The following ADGB variants were observed in gnomAD, a reference collection of about 807,000 sequenced individuals.
ADGB encodes the protein calpain-7-like protein.
ADGB carries 172 observed loss-of-function variants against 210.5 expected under a neutral mutation model. That is an observed-to-expected ratio of 0.82 (90% CI 0.72 to 0.93). ADGB has a LOEUF of 0.93. ADGB is among the 40% of genes least tolerant of loss of function. The probability of loss-of-function intolerance (pLI) is 0.00; values close to 1 mark genes in which losing one functional copy is unlikely to be tolerated. For missense variants in ADGB, 2,025 were observed against 1,964.8 expected (o/e 1.03, Z -0.58); for synonymous variants, 658 against 662.7 (o/e 0.99, Z 0.11).
chr6:146,663,144 T>C (rs1255659312), intron 5 of ADGB, among the ~76,000 whole-genome samples: 1 of 141,156 alleles, frequency 7.1e-6, no homozygotes, highest in Non-Finnish European at 1.5e-5. Context: ...TATATATAAT[T>C]ATAAATATAT....
Position 146,801,210 on chromosome 6 carries a change from C to A in ADGB, c.4565C>A (p.Thr1522Lys), listed in dbSNP as rs1450408909. ...ACAGGACCTCGTACACGATCTCCAACAATTTTGGAAACATCTCCACGACTT... is the reference window on the plus strand; with the variant it reads ...ACAGGACCTCGTACACGATCTCCAAAAATTTTGGAAACATCTCCACGACTT... The part of the protein sequence containing the change: ...IQTGPRTRSP[T>K]ILETSPRLIR... Residue 1522 changes from threonine (T) to lysine (K), a missense_variant, in exon 34 of 36, where the codon ACA (threonine) becomes AAA (lysine). Coordinates refer to ENST00000397944, the MANE Select transcript of ADGB (RefSeq NM_024694.4). The A allele has an allele frequency of 6.7e-7, 1 of 1,503,464 alleles. No individual in the cohort carries two copies. The highest frequency in any genetic ancestry group is 1.3e-5 in the South Asian group (1 of 76,018). The allele number at this position is 1,503,464 out of a possible 1,614,324, so 93.1% of individuals were successfully genotyped here.
chr6:146,686,988 G>A (rs762163223), intron 10 of ADGB, among the ~76,000 whole-genome samples: 2 of 151,996 alleles, frequency 1.3e-5, no homozygotes, highest in Admixed American at 1.3e-4. Flanking sequence ...TGGGGGGCAC[G>A]TTGCTAACAT....
At chr6:146,769,939 T>C (rs1777627841) in intron 29 of ADGB, among the ~76,000 whole-genome samples, 1 of 152,196 alleles carries the variant, frequency 6.6e-6, no homozygotes, top group African/African-American at 2.4e-5. Context: ...ACAACACGCT[T>C]ATGATAAGAC....
chr6:146,610,177 C>G (rs1780686536), intron 1 of ADGB, among the ~76,000 whole-genome samples: 1 of 152,202 alleles, frequency 6.6e-6, no homozygotes, highest in Non-Finnish European at 1.5e-5. Context: ...GTGAATTTTT[C>G]AGCTCTATCA....
At chr6:146,657,106 C>A in intron 5 of ADGB, 126 bp downstream of exon 5, 1 of 841,304 alleles carries the variant, frequency 1.2e-6, no homozygotes, top group Non-Finnish European at 1.8e-6. Context: ...CAGTGGATCA[C>A]CTGAGATCAG....
chr6:146,602,391 A>G (rs1254648616), intron 1 of ADGB, among the ~76,000 whole-genome samples: 1 of 152,162 alleles, frequency 6.6e-6, no homozygotes, highest in African/African-American at 2.4e-5. Context: ...GGATTTTGTT[A>G]CAGTAAAATG....
chr6:146,649,973 T>TTA (rs1004344049), intron 3 of ADGB, among the ~76,000 whole-genome samples: 1 of 152,140 alleles, frequency 6.6e-6, no homozygotes, highest in African/African-American at 2.4e-5. Flanking sequence ...TGTATATGTA[T>TTA]TATATATGTA....
chr6:146,626,304 A>C (rs1447766042), intron 1 of ADGB, among the ~76,000 whole-genome samples: 3 of 151,996 alleles, frequency 2.0e-5, no homozygotes, highest in Admixed American at 2.0e-4. Context: ...TATTACAAAG[A>C]TACTTTTAAA....
chr6:146,712,540 A>G (rs1776673732), intron 13 of ADGB, among the ~76,000 whole-genome samples: 2 of 152,036 alleles, frequency 1.3e-5, no homozygotes, highest in African/African-American at 4.8e-5. Flanking sequence ...ATTGTGCTGC[A>G]TACTGCATGA....
chr6:146,763,294 C>A (rs918064375), intron 27 of ADGB, among the ~76,000 whole-genome samples: 1 of 152,172 alleles, frequency 6.6e-6, no homozygotes, highest in Non-Finnish European at 1.5e-5. Flanking sequence ...CGAGAATAAG[C>A]CCAATGTCAT....
chr6:146,763,175 TTTGTATGTTTCCC>T (rs1583627549), intron 27 of ADGB, among the ~76,000 whole-genome samples: 2 of 152,314 alleles, frequency 1.3e-5, no homozygotes, highest in East Asian at 3.9e-4. Context: ...AAGAGGTCAC[TTTGTATGTTTCCC>T]TTGTCTCAAG....
In ADGB at chr6:146,703,867, GTT is replaced by G. The variant is rs34144862; in HGVS notation, c.1707+2807_1707+2808del. Among the ~76,000 whole-genome samples the G allele has an allele frequency of 4.4e-4, 65 of 148,096 alleles. No homozygotes were observed. The East Asian group carries it at 0.011, about 25-fold the overall frequency. On this transcript the variant is annotated intron_variant, in intron 13 of 35. Coordinates refer to ENST00000397944, the MANE Select transcript of ADGB (RefSeq NM_024694.4). ...GGATCACATGATTGCCCTATTTTTA[GTT>G]TTTTTTTTTCAACCTCCATACTGTT...
At chr6:146,643,093 G>A (rs1299431171) in intron 2 of ADGB, among the ~76,000 whole-genome samples, 1 of 151,718 alleles carries the variant, frequency 6.6e-6, no homozygotes, top group Non-Finnish European at 1.5e-5. Flanking sequence ...AATGATGTGG[G>A]GAAACCCCAG....
At chr6:146,700,874 T>G (rs1583596246) in intron 12 of ADGB, 67 bp from the exon 13 acceptor site, 6 of 1,489,928 alleles carry the variant, frequency 4.0e-6, no homozygotes, top group Non-Finnish European at 5.4e-6. Flanking sequence ...AAAAATGCAG[T>G]TATTTATTAA....
At chr6:146,684,786 A>T (rs1233455703) in intron 9 of ADGB, among the ~76,000 whole-genome samples, 1 of 152,044 alleles carries the variant, frequency 6.6e-6, no homozygotes, top group Non-Finnish European at 1.5e-5. Context: ...ACATTAGATG[A>T]TAACTAACAT....
chr6:146,756,988 A>C (rs182029276), intron 27 of ADGB, among the ~76,000 whole-genome samples: 232 of 152,112 alleles, frequency 1.5e-3, no homozygotes, highest in African/African-American at 5.3e-3. Context: ...CAGCTTCCCC[A>C]AGGGCTGGGA....
chr6:146,631,360 T>C (rs1781062117), intron 1 of ADGB, among the ~76,000 whole-genome samples: 1 of 151,816 alleles, frequency 6.6e-6, no homozygotes, highest in South Asian at 2.1e-4. Flanking sequence ...AAGGTGTCCT[T>C]ATAGGACTCA....
At chr6:146,685,927 T>A in intron 10 of ADGB, 99 bp downstream of exon 10, 1 of 647,042 alleles carries the variant, frequency 1.5e-6, no homozygotes, top group Non-Finnish European at 2.3e-6. Context: ...CATGAAAATT[T>A]AATTAAAATT....
chr6:146,731,736 GGCCCAAA>G (rs1218976808), intron 20 of ADGB, among the ~76,000 whole-genome samples: 1 of 152,006 alleles, frequency 6.6e-6, no homozygotes, highest in Non-Finnish European at 1.5e-5. Context: ...CAAGATGAGA[GGCCCAAA>G]GCAACCACAC....
Sources: gnomAD v4.1 joint callset for allele counts (sites outside exome capture counted in the v4.1 genomes callset) on GRCh38, gnomAD v4.1.1 for gene constraint, MANE v1.5 for transcripts, NCBI Gene and HGNC (gene_info 2026-07-23, HGNC 2026-07-21) for gene names.